Variants in COL5A1 observed in about 807,000 individuals in gnomAD.
The protein encoded by COL5A1 is collagen alpha-1(V) chain.
A neutral mutation model predicts 263.7 loss-of-function variants in COL5A1; 16 were observed. The observed-to-expected ratio is 0.06, with a 90% CI of 0.04 to 0.09. The LOEUF (loss-of-function observed/expected upper bound fraction) is 0.09. Ranked by LOEUF, COL5A1 falls within the 10% of genes least tolerant of loss-of-function variation. The pLI is 1.00. For synonymous variants in COL5A1, 1,012 were observed against 1,004.5 expected (o/e 1.01, Z -0.14); for missense variants, 2,036 against 2,540.5 (o/e 0.80, Z 4.27).
intron 48 of COL5A1, 86 bp downstream of exon 48, chr9:134,812,798 GTGTA>G: frequency 1.0e-6 from 1 of 958,846 alleles, no homozygotes; most frequent in South Asian, 1.4e-5. Context: ...CTGTGTGTAT[GTGTA>G]TGTGCGCATG....
rs1423974585 is a variant in COL5A1, at chr9:134,696,036, C to T, written c.278-3873C>T. ...CCTTAGCCCGGCCCCTCCTGGGCTGCCAGGGTCCAGCTGAAACCTCAGCCG... is the reference window on the plus strand; with the variant it reads ...CCTTAGCCCGGCCCCTCCTGGGCTGTCAGGGTCCAGCTGAAACCTCAGCCG... On this transcript the variant is annotated intron_variant, in intron 2 of 65. Coordinates refer to ENST00000371817, the MANE Select transcript of COL5A1 (RefSeq NM_000093.5). The surrounding 1 kb of genome is among the most constrained non-coding windows in gnomAD (Gnocchi z 4.3). Among the ~76,000 whole-genome samples the T allele has an allele frequency of 1.3e-5, 2 of 152,182 alleles. No individual in the cohort carries two copies. The highest frequency in any genetic ancestry group is 2.9e-5 in the Non-Finnish European group (2 of 68,012).
At chr9:134,834,848 C>T (rs918334321) in intron 64 of COL5A1, 123 bp from the exon 65 acceptor site, 8 of 733,282 alleles carry the variant, frequency 1.1e-5, no homozygotes, top group African/African-American at 6.9e-5. Flanking sequence ...GGGTACAGTG[C>T]GTTTCCAGGT....
intron 65 of COL5A1, among the ~76,000 whole-genome samples, chr9:134,836,915 A>G (rs907620100): frequency 2.0e-5 from 3 of 152,216 alleles, no homozygotes; most frequent in African/African-American, 7.2e-5. Flanking sequence ...TGACTGTGGA[A>G]TATGCAGAAC....
chr9:134,828,019 T>A (rs1839362627), intron 63 of COL5A1, among the ~76,000 whole-genome samples: 1 of 152,128 alleles, frequency 6.6e-6, no homozygotes, highest in African/African-American at 2.4e-5. Context: ...GCTGGGGGGA[T>A]CAGCCAGGGA....
In COL5A1 at chr9:134,844,211, G is replaced by A. The variant is rs1830183146; in HGVS notation, c.*1908G>A. 6.6e-6 allele frequency: 1 copy of A among 152,628 alleles called. No homozygotes were observed. The highest frequency in any genetic ancestry group is 6.5e-5 in the Admixed American group (1 of 15,284). The allele number at this position is 152,628 out of a possible 1,614,324, so 9.5% of individuals were successfully genotyped here. A position where few individuals can be genotyped will look rare whatever the true frequency, so the allele number is the denominator to read the frequency against. ...CAGCGTGGATTTTCCAAATTTCCCTGGAAAGTAAGTCTCGCTCTTGCCAAA... is the reference window on the plus strand; with the variant it reads ...CAGCGTGGATTTTCCAAATTTCCCTAGAAAGTAAGTCTCGCTCTTGCCAAA... On this transcript the variant is annotated 3_prime_UTR_variant, in exon 66 of 66. Transcript: ENST00000371817.
intron 1 of COL5A1, among the ~76,000 whole-genome samples, chr9:134,674,349 A>T (rs1248236352): frequency 6.6e-6 from 1 of 152,196 alleles, no homozygotes; most frequent in African/African-American, 2.4e-5. Context: ...GTGGCACGAA[A>T]GCACTGTGCT....
rs868865993 is a variant in COL5A1 at position 134,825,789 on chromosome 9, C to T, written c.4955-3C>T. The T allele has an allele frequency of 6.2e-7, 1 of 1,603,478 alleles. No homozygotes were observed. Among genetic ancestry groups the T allele is most frequent in the Non-Finnish European group, 8.5e-7 (1 of 1,170,986 alleles). On this transcript the variant is annotated splice_polypyrimidine_tract_variant and splice_region_variant and intron_variant, in intron 62 of 65. Coordinates refer to ENST00000371817, the MANE Select transcript of COL5A1 (RefSeq NM_000093.5). Reference sequence around the variant, plus strand: ...TGCCTCCCTCCCCGTCTCTGAAATCCAGGTGAATACTGGGTCGATCCTAAC... The same window carrying T: ...TGCCTCCCTCCCCGTCTCTGAAATCTAGGTGAATACTGGGTCGATCCTAAC...
At chr9:134,827,130 C>A (rs1437727957) in intron 63 of COL5A1, among the ~76,000 whole-genome samples, 2 of 152,194 alleles carry the variant, frequency 1.3e-5, no homozygotes, top group Non-Finnish European at 2.9e-5. Flanking sequence ...CTGTGCAGGT[C>A]CAGACCTGTG....
chr9:134,738,835 A>G (rs2132656079), intron 11 of COL5A1, 27 bp downstream of exon 11: 1 of 1,601,334 alleles, frequency 6.2e-7, no homozygotes, highest in Non-Finnish European at 8.6e-7. Flanking sequence ...GTTTCCTGAG[A>G]TCACACAAGG....
rs930801957 is a variant in COL5A1, at chr9:134,700,804, T to G, written c.492-367T>G. Among the ~76,000 whole-genome samples, 2 of 152,152 alleles carry G rather than the reference T, an allele frequency of 1.3e-5. No homozygotes were observed. Among genetic ancestry groups the G allele is most frequent in the Non-Finnish European group, 2.9e-5 (2 of 68,034 alleles). The stretch of plus-strand genomic sequence containing the variant: ...AAATACAACGGCCGCCGCCCTGCCA[T>G]TCTCCCGATGGCTGTGACCGCACCG... On this transcript the variant is annotated intron_variant, in intron 3 of 65. Transcript: ENST00000371817. The surrounding 1 kb of genome is among the most constrained non-coding windows in gnomAD (Gnocchi z 4.0).
intron 18 of COL5A1, among the ~76,000 whole-genome samples, chr9:134,760,082 G>GCATACACGCCCACACACCCCCACACT (rs1240816404): frequency 2.1e-5 from 1 of 47,620 alleles, no homozygotes; most frequent in Non-Finnish European, 3.7e-5. Context: ...ATGCACACAC[G>GCATACACGCCCACACACCCCCACACT]CATACACGCC....
intron 29 of COL5A1, among the ~76,000 whole-genome samples, chr9:134,784,620 C>T (rs1322950642): frequency 1.3e-5 from 2 of 152,228 alleles, no homozygotes; most frequent in Admixed American, 6.5e-5. Flanking sequence ...TCACTCTGCT[C>T]TATTTGGAGA....
At chr9:134,808,471 G>T (rs1161859559) in intron 42 of COL5A1, among the ~76,000 whole-genome samples, 1 of 152,218 alleles carries the variant, frequency 6.6e-6, no homozygotes, top group Non-Finnish European at 1.5e-5. Flanking sequence ...TGTCCTGTGT[G>T]TGTACCTGTG....
At chr9:134,734,929 G>A (rs373604905) in intron 9 of COL5A1, among the ~76,000 whole-genome samples, 5 of 152,122 alleles carry the variant, frequency 3.3e-5, no homozygotes, top group South Asian at 2.1e-4. Flanking sequence ...GTATGCATTC[G>A]GCCGGGTGCG....
chr9:134,657,637 G>GGTGGGGGT (rs1832059544), intron 1 of COL5A1, among the ~76,000 whole-genome samples: 2 of 137,914 alleles, frequency 1.5e-5, no homozygotes, highest in Non-Finnish European at 3.2e-5. Context: ...TGGGGGGTGG[G>GGTGGGGGT]GTAGGGGGTG....
chr9:134,764,391 G>C (rs1195647773), intron 20 of COL5A1, among the ~76,000 whole-genome samples: 1 of 133,708 alleles, frequency 7.5e-6, no homozygotes, highest in Non-Finnish European at 1.6e-5. Context: ...TCCCGGGGCA[G>C]CACAGTGGCA....
At chr9:134,769,109 C>T (rs1039758610) in intron 25 of COL5A1, among the ~76,000 whole-genome samples, 8 of 152,182 alleles carry the variant, frequency 5.3e-5, no homozygotes, top group East Asian at 1.9e-4. Context: ...TTGATTATTC[C>T]GTTAATGCTG....
At chr9:134,667,605 C>T (rs1268194274) in intron 1 of COL5A1, among the ~76,000 whole-genome samples, 1 of 152,254 alleles carries the variant, frequency 6.6e-6, no homozygotes, top group Admixed American at 6.5e-5. Flanking sequence ...CACCTGCTGT[C>T]GCTAGGCTTA....
At chr9:134,659,249 C>T (rs1384936144) in intron 1 of COL5A1, among the ~76,000 whole-genome samples, 3 of 151,990 alleles carry the variant, frequency 2.0e-5, no homozygotes, top group African/African-American at 4.8e-5. Context: ...CTTAGCCGGG[C>T]GTGATGGTGC....
Sources: allele counts gnomAD v4.1 joint callset (sites outside exome capture counted in the v4.1 genomes callset), GRCh38; gene constraint gnomAD v4.1.1; non-coding constraint Gnocchi (gnomAD v3.1); transcripts MANE v1.5; gene names NCBI Gene and HGNC (gene_info 2026-07-23, HGNC 2026-07-21).